TMED5: variants seen among roughly 807,000 people sequenced by gnomAD.
TMED5 encodes transmembrane p24 trafficking protein 5, also known as transmembrane emp24 domain-containing protein 5.
TMED5 carries 27 observed loss-of-function variants against 23.0 expected under a neutral mutation model. The ratio of observed to expected loss-of-function variants is 1.17; its 90% CI spans 0.86 to 1.62. The LOEUF is 1.62. Among genes scored for constraint, TMED5 ranks in the 40% most tolerant of loss-of-function variants. The probability of loss-of-function intolerance (pLI) is 0.00; values close to 1 mark genes in which losing one functional copy is unlikely to be tolerated. For synonymous variants in TMED5, 97 were observed against 100.8 expected (o/e 0.96, Z 0.23); for missense variants, 248 against 273.7 (o/e 0.91, Z 0.66).
At chr1:93,178,152 A>G (rs769958524) in intron 1 of TMED5, among the ~76,000 whole-genome samples, 1 of 152,206 alleles carries the variant, frequency 6.6e-6, no homozygotes, top group Non-Finnish European at 1.5e-5. Context: ...AAACCTACTC[A>G]GCACGGCAAA....
At chr1:93,157,891 G>A (rs1033615959) in intron 2 of TMED5, among the ~76,000 whole-genome samples, 6 of 152,248 alleles carry the variant, frequency 3.9e-5, no homozygotes, top group East Asian at 3.9e-4. Flanking sequence ...TTGGGAGGCC[G>A]AGGCAGGCAG....
chr1:93,168,167 G>A (rs769634788), intron 1 of TMED5, among the ~76,000 whole-genome samples: 1 of 152,082 alleles, frequency 6.6e-6, no homozygotes, highest in Non-Finnish European at 1.5e-5. Context: ...TGAGAAGAGA[G>A]AAAGTAGAAT....
intron 1 of TMED5, among the ~76,000 whole-genome samples, chr1:93,179,187 C>T (rs1649108845): frequency 2.0e-5 from 3 of 151,986 alleles, no homozygotes. Flanking sequence ...CATGGTGAAA[C>T]CCCGTCTCTA....
intron 1 of TMED5, among the ~76,000 whole-genome samples, chr1:93,175,001 T>C (rs1315695811): frequency 6.7e-6 from 1 of 148,922 alleles, no homozygotes; most frequent in East Asian, 1.9e-4. Flanking sequence ...TCTGGGTGTG[T>C]ACCCAGTAAT....
rs1649316865 is a variant in TMED5, at chr1:93,180,388, C to G, written c.-146G>C. On this transcript the variant is annotated 5_prime_UTR_variant, in exon 1 of 4. Coordinates refer to ENST00000370282, the MANE Select transcript of TMED5 (RefSeq NM_016040.5). ...GCGGCCGCGGCGGCGGCGAACACTCCCTCCGAAAGAGAAGCGCAGTTCTCC... is the reference window on the plus strand; with the variant it reads ...GCGGCCGCGGCGGCGGCGAACACTCGCTCCGAAAGAGAAGCGCAGTTCTCC... 1.5e-5 allele frequency: 19 copies of G among 1,245,298 alleles called. No homozygotes were observed. The highest frequency in any genetic ancestry group is 2.1e-5 in the Non-Finnish European group (19 of 905,804). 77.1% of individuals were successfully genotyped at this position (1,245,298 alleles called of 1,614,324 possible).
chr1:93,159,844 T>G (rs1294339339), intron 2 of TMED5, among the ~76,000 whole-genome samples: 1 of 152,216 alleles, frequency 6.6e-6, no homozygotes, highest in Non-Finnish European at 1.5e-5. Flanking sequence ...GAAGGCAGGT[T>G]TAAAATGCCA....
At position 93,160,138 on chromosome 1, in the gene TMED5, C is replaced by T; in HGVS notation, c.278G>A (p.Gly93Glu). 6.2e-7 allele frequency: 1 copy of T among 1,608,258 alleles called. No individual in the cohort carries two copies. The highest frequency in any genetic ancestry group is 8.5e-7 in the Non-Finnish European group (1 of 1,175,136). Residue 93 changes from glycine (G) to glutamate (E), a missense_variant, in exon 2 of 4, where the codon GGA becomes GAA. Transcript: ENST00000370282. ...AAAAGAGATTACTTACGTGTGAACT[C>T]CATCTGATTTTCTTTGTTCAAAAAC... The part of the protein sequence containing the change: ...TLVFEQRKSD[G>E]VHTVETEVGD...
rs1647959098 is a variant in TMED5, at chr1:93,153,659, A to C, written c.*1011T>G. The C allele has an allele frequency of 6.6e-6, 1 of 152,220 alleles. No homozygotes were observed. The highest frequency in any genetic ancestry group is 2.4e-5 in the African/African-American group (1 of 41,562). 9.4% of individuals were successfully genotyped at this position (152,220 alleles called of 1,614,324 possible). ...GGATTAGGTTTTCTCAAGTTTTTCT[A>C]AATTCTTTCCTGTTTCTGATAATTC... is the stretch of plus-strand genomic sequence containing the variant. On this transcript the variant is annotated 3_prime_UTR_variant, in exon 4 of 4. Transcript: ENST00000370282.
At chr1:93,173,066 G>A (rs1156262309) in intron 1 of TMED5, among the ~76,000 whole-genome samples, 2 of 152,194 alleles carry the variant, frequency 1.3e-5, no homozygotes, top group Non-Finnish European at 2.9e-5. Context: ...CTTGGGGAGA[G>A]AGGGAATAGG....
intron 1 of TMED5, chr1:93,160,482 T>A: frequency 3.4e-6 from 1 of 291,056 alleles, no homozygotes; most frequent in East Asian, 5.8e-5. Flanking sequence ...TAAATCTTCC[T>A]AAAATAGTGG....
At chr1:93,156,549 G>A in intron 2 of TMED5, 66 bp from the exon 3 acceptor site, 3 of 1,351,302 alleles carry the variant, frequency 2.2e-6, no homozygotes, top group Non-Finnish European at 3.1e-6. Flanking sequence ...AGCAACTAAA[G>A]GTAAAAATAA....
intron 1 of TMED5, chr1:93,161,374 T>C (rs1328596300): frequency 6.6e-6 from 1 of 152,196 alleles, no homozygotes; most frequent in East Asian, 1.9e-4. Context: ...AACTCAGCAA[T>C]CTGCCTCTAG....
At chr1:93,175,721 T>G (rs1648890169) in intron 1 of TMED5, among the ~76,000 whole-genome samples, 1 of 152,140 alleles carries the variant, frequency 6.6e-6, no homozygotes, top group Admixed American at 6.5e-5. Context: ...ATAAAAATTT[T>G]TAAAAATTGA....
intron 1 of TMED5, 109 bp downstream of exon 1, chr1:93,179,945 C>T (rs1358604265): frequency 8.1e-7 from 1 of 1,239,980 alleles, no homozygotes; most frequent in Non-Finnish European, 1.1e-6. Flanking sequence ...GAACGGCCCT[C>T]GCCTCTTCAC....
chr1:93,172,955 A>T (rs1307752112), intron 1 of TMED5, among the ~76,000 whole-genome samples: 1 of 152,210 alleles, frequency 6.6e-6, no homozygotes, highest in African/African-American at 2.4e-5. Flanking sequence ...AGAAAGACAA[A>T]TACTGCATTA....
rs185159707 is a variant in TMED5, at chr1:93,163,594, C to G, written c.190-3368G>C. On this transcript the variant is annotated intron_variant, in intron 1 of 3. Transcript: ENST00000370282. ...CTGACCTCAAGTGATCCGCCCATCT[C>G]AGCCTTCCAAAGTGCTGGGATTACA... Among the ~76,000 whole-genome samples, 24 of 151,890 alleles carry G rather than the reference C, an allele frequency of 1.6e-4. 1 individual carries two copies. In the East Asian group the frequency reaches 4.5e-3, roughly 28 times the overall value.
intron 2 of TMED5, among the ~76,000 whole-genome samples, chr1:93,159,348 G>C (rs1319867060): frequency 6.6e-6 from 1 of 152,122 alleles, no homozygotes; most frequent in Non-Finnish European, 1.5e-5. Flanking sequence ...GTAATGGAAA[G>C]ATTAATTTAG....
chr1:93,165,904 C>A (rs1293225858), intron 1 of TMED5, among the ~76,000 whole-genome samples: 1 of 152,170 alleles, frequency 6.6e-6, no homozygotes, highest in Non-Finnish European at 1.5e-5. Context: ...CCCTCCACCC[C>A]CCAGCCTCCC....
chr1:93,169,609 A>G (rs1326929835), intron 1 of TMED5, among the ~76,000 whole-genome samples: 2 of 151,360 alleles, frequency 1.3e-5, no homozygotes, highest in Non-Finnish European at 2.9e-5. Context: ...AAAAAAATCA[A>G]TGAAGCAAAA....
Sources: allele counts gnomAD v4.1 joint callset (sites outside exome capture counted in the v4.1 genomes callset), GRCh38; gene constraint gnomAD v4.1.1; transcripts MANE v1.5; gene names NCBI Gene and HGNC (gene_info 2026-07-23, HGNC 2026-07-21).